LTN1: variants seen among roughly 807,000 people sequenced by gnomAD.
LTN1 encodes the protein listerin E3 ubiquitin protein ligase 1.
Under a neutral mutation model 201.2 loss-of-function variants are expected in LTN1, and 88 were observed. That is an observed-to-expected ratio of 0.44 (90% CI 0.37 to 0.52). The LOEUF (loss-of-function observed/expected upper bound fraction) is 0.52, where lower values mean the gene tolerates loss of function less well. LTN1 is among the 20% of genes least tolerant of loss of function. LTN1 has a pLI of 0.00. For synonymous variants in LTN1, 645 were observed against 713.5 expected (o/e 0.90, Z 1.53); for missense variants, 1,752 against 2,038.7 (o/e 0.86, Z 2.71).
intron 18 of LTN1, among the ~76,000 whole-genome samples, chr21:28,950,596 A>G (rs543400678): frequency 5.3e-5 from 8 of 151,726 alleles, no homozygotes; most frequent in Non-Finnish European, 7.4e-5. Flanking sequence ...GCTCACTGCA[A>G]CCTCCACCTC....
Position 28,943,891 on chromosome 21 carries a change from A to G in LTN1, c.3996T>C (p.Asp1332=), listed in dbSNP as rs1290717521. ...ILVTVTGENK[D]VSETSFQNAM... ...CATTCTGAAAGGATGTTTCAGACACATCTTTGTTTTCTCCTAATGACAAAA... is the reference window on the plus strand; with the variant it reads ...CATTCTGAAAGGATGTTTCAGACACGTCTTTGTTTTCTCCTAATGACAAAA... Residue 1332 remains aspartate, a synonymous_variant, in exon 23 of 30, where the codon GAT becomes GAC. Coordinates refer to ENST00000361371, the MANE Select transcript of LTN1 (RefSeq NM_015565.3). 2 of 1,609,918 alleles carry G rather than the reference A, an allele frequency of 1.2e-6. No homozygotes were observed. Among genetic ancestry groups the G allele is most frequent in the African/African-American group, 2.7e-5 (2 of 74,842 alleles).
chr21:28,969,557 G>A lies in LTN1; in HGVS notation c.1220C>T (p.Ala407Val). Residue 407 changes from alanine (A) to valine (V), a missense_variant, in exon 9 of 30, where the codon GCA (alanine) becomes GTA (valine). By Grantham distance (64) the Ala-to-Val change is moderately conservative. Around this residue, in one of 3 missense-constraint regions of LTN1, gnomAD observed 1,211 missense variants for 1,312.8 expected, o/e 0.92. Transcript: ENST00000361371. ...GCATTCAAAAAAAGCAGATATTACT[G>A]CCGAGGACTCTAAAGAGCTGGTTTT... Reference protein sequence around the residue: ...RTKTSSLESSAVISAFFECLR... With the variant: ...RTKTSSLESSVVISAFFECLR... 1 of 1,611,670 alleles carries A rather than the reference G, an allele frequency of 6.2e-7. No homozygotes were observed. Among genetic ancestry groups the A allele is most frequent in the Non-Finnish European group, 8.5e-7 (1 of 1,178,396 alleles).
In LTN1 at chr21:28,986,677, T is replaced by G; in HGVS notation, c.246+54A>C. On this transcript the variant is annotated intron_variant, in intron 2 of 29. Coordinates refer to ENST00000361371, the MANE Select transcript of LTN1 (RefSeq NM_015565.3). This position sits in a 1 kb window ranked among gnomAD's most constrained non-coding sequence, Gnocchi z 4.1. ...TTACATAAAACATGCTAATGACATT[T>G]TATTTTAACAAAGGGATTTTCTTGA... The G allele has an allele frequency of 7.3e-7, 1 of 1,373,728 alleles. No individual in the cohort carries two copies. The highest frequency in any genetic ancestry group is 1.0e-6 in the Non-Finnish European group (1 of 972,598). 85.1% of individuals were successfully genotyped at this position (1,373,728 alleles called of 1,614,324 possible).
intron 27 of LTN1, among the ~76,000 whole-genome samples, chr21:28,933,454 T>A (rs1394086841): frequency 2.0e-5 from 3 of 152,194 alleles, no homozygotes; most frequent in Non-Finnish European, 4.4e-5. Context: ...TGCTACTGCC[T>A]GAATGAAAAA....
chr21:28,952,786 A>G (rs1398017377), intron 17 of LTN1, among the ~76,000 whole-genome samples: 2 of 152,226 alleles, frequency 1.3e-5, no homozygotes, highest in East Asian at 1.9e-4. Flanking sequence ...AAAGCTAAAC[A>G]TCTTACTACT....
Position 28,992,784 on chromosome 21 carries a change from G to A in LTN1, c.22C>T (p.Arg8Ter). Residue 8 changes from arginine (R) to a stop codon, truncating the protein, a stop_gained, in exon 1 of 30, where the codon CGA (arginine) becomes TGA (stop). Coordinates refer to ENST00000361371, the MANE Select transcript of LTN1 (RefSeq NM_015565.3). LOFTEE classifies it high-confidence loss of function. ...CTCACCCTCAGGTTCCCTTTAGTTC[G>A]CTGCTTGTTCTTCCCGCCCATGGTC... Reference protein sequence around the residue: MGGKNKQRTKGNLRPSNS... With the variant: MGGKNKQ 6.2e-7 allele frequency: 1 copy of A among 1,614,184 alleles called. No homozygotes were observed. The highest frequency in any genetic ancestry group is 1.1e-5 in the South Asian group (1 of 91,080).
At chr21:28,982,732 T>C (rs905210435) in intron 4 of LTN1, among the ~76,000 whole-genome samples, 9 of 152,180 alleles carry the variant, frequency 5.9e-5, no homozygotes, top group African/African-American at 1.7e-4. Context: ...ACACCATACA[T>C]TGTGCTCTGC....
chr21:28,965,860 G>T lies in LTN1; in HGVS notation c.2163+5C>A. 1 of 1,413,710 alleles carries T rather than the reference G, an allele frequency of 7.1e-7. No individual in the cohort carries two copies. The highest frequency in any genetic ancestry group is 9.7e-7 in the Non-Finnish European group (1 of 1,027,572). 87.6% of individuals were successfully genotyped at this position (1,413,710 alleles called of 1,614,324 possible). ...AAAAAAAAGAAAAAAAAATCCCTAAGATACCTTTTCAATAATCTTAAGAAG... is the reference window on the plus strand; with the variant it reads ...AAAAAAAAGAAAAAAAAATCCCTAATATACCTTTTCAATAATCTTAAGAAG... On this transcript the variant is annotated splice_donor_5th_base_variant and intron_variant, in intron 11 of 29. Coordinates refer to ENST00000361371, the MANE Select transcript of LTN1 (RefSeq NM_015565.3).
intron 18 of LTN1, among the ~76,000 whole-genome samples, chr21:28,950,499 T>C (rs540048641): frequency 4.6e-5 from 7 of 152,250 alleles, no homozygotes; most frequent in African/African-American, 1.4e-4. Context: ...TACAGTATGA[T>C]TCCATTTATA....
At chr21:28,941,510 T>G in intron 24 of LTN1, 104 bp from the exon 25 acceptor site, 1 of 945,962 alleles carries the variant, frequency 1.1e-6, no homozygotes, top group South Asian at 1.7e-5. Flanking sequence ...TTTCTCTGTT[T>G]TCCAAAAAAC....
At chr21:28,950,483 G>C (rs1601177515) in intron 18 of LTN1, among the ~76,000 whole-genome samples, 1 of 152,084 alleles carries the variant, frequency 6.6e-6, no homozygotes, top group Admixed American at 6.6e-5. Context: ...ATGTCAAAAA[G>C]TTACATACAG....
At chr21:28,950,797 A>C (rs796826026) in intron 18 of LTN1, among the ~76,000 whole-genome samples, 84 of 152,336 alleles carry the variant, frequency 5.5e-4, no homozygotes, top group African/African-American at 1.7e-3. Context: ...TACAGGCATA[A>C]GCCTCCACAC....
chr21:28,941,983 C>A (rs139935832), intron 24 of LTN1, among the ~76,000 whole-genome samples: 102 of 152,214 alleles, frequency 6.7e-4, no homozygotes, highest in Middle Eastern at 3.4e-3. Flanking sequence ...AGTTAATTTT[C>A]TTCTTTATTG....
At chr21:28,981,980 C>A (rs1217051016) in intron 5 of LTN1, among the ~76,000 whole-genome samples, 1 of 152,130 alleles carries the variant, frequency 6.6e-6, no homozygotes, top group African/African-American at 2.4e-5. Context: ...TTCGGGAGGC[C>A]GAGGCGGGTG....
chr21:28,963,210 T>C (rs2084494261), intron 11 of LTN1, among the ~76,000 whole-genome samples: 1 of 152,246 alleles, frequency 6.6e-6, no homozygotes, highest in Non-Finnish European at 1.5e-5. Flanking sequence ...AACAGTCACA[T>C]ATTAGAAGAA....
intron 1 of LTN1, among the ~76,000 whole-genome samples, chr21:28,992,360 G>A (rs559737701): frequency 3.3e-5 from 5 of 152,264 alleles, no homozygotes; most frequent in Non-Finnish European, 7.4e-5. Context: ...ACTGTAGGTA[G>A]CAAAGGAGAG....
chr21:28,953,045 A>T (rs1361459797), intron 17 of LTN1, among the ~76,000 whole-genome samples, 172 bp downstream of exon 17: 1 of 152,244 alleles, frequency 6.6e-6, no homozygotes, highest in African/African-American at 2.4e-5. Context: ...TCCCCTGAGA[A>T]GGTTAAATCA....
intron 18 of LTN1, 54 bp from the exon 19 acceptor site, chr21:28,947,660 TTTATA>T (rs2084349202): frequency 3.5e-6 from 4 of 1,132,572 alleles, no homozygotes; most frequent in Non-Finnish European, 3.6e-6. Context: ...ATACAGTTAT[TTTATA>T]TATTTCTTTT....
rs754225381 is a variant in LTN1, at chr21:28,935,184, C to T, written c.4800G>A (p.Lys1600=). The change falls in exon 27 of 30, where the codon AAG becomes AAA. Residue 1600 remains lysine (K), a synonymous_variant. Coordinates refer to ENST00000361371, the MANE Select transcript of LTN1 (RefSeq NM_015565.3). The part of the protein sequence containing the change: ...VFNIVDRFTS[K]YVSSVLSFQE... ...GAAAAGAAAGAACACTGCTGACATA[C>T]TTGCTTGTAAATCTATCCACAATAT... 4.8e-5 allele frequency: 78 copies of T among 1,613,600 alleles called. No individual in the cohort carries two copies. The highest frequency in any genetic ancestry group is 6.2e-5 in the Non-Finnish European group (73 of 1,179,604).
Sources: allele counts gnomAD v4.1 joint callset (sites outside exome capture counted in the v4.1 genomes callset), GRCh38; gene constraint gnomAD v4.1.1; regional missense constraint gnomAD v4.1.1; non-coding constraint Gnocchi (gnomAD v3.1); transcripts MANE v1.5; gene names NCBI Gene and HGNC (gene_info 2026-07-23, HGNC 2026-07-21).